Variants in CHRDL2 observed in about 807,000 individuals in gnomAD.
The protein encoded by CHRDL2 is chordin like 2.
In CHRDL2, 41 loss-of-function variants were observed where a neutral mutation model predicts 54.3. That is an observed-to-expected ratio of 0.76 (90% CI 0.59 to 0.98). The LOEUF is 0.98. Ranked by LOEUF, CHRDL2 falls within the 50% of genes least tolerant of loss-of-function variation. The probability of loss-of-function intolerance (pLI) is 0.00; values close to 1 mark genes in which losing one functional copy is unlikely to be tolerated. For synonymous variants in CHRDL2, 220 were observed against 224.3 expected (o/e 0.98, Z 0.17); for missense variants, 518 against 562.4 (o/e 0.92, Z 0.80).
intron 8 of CHRDL2, 98 bp from the exon 9 acceptor site, chr11:74,703,065 A>C: frequency 8.1e-7 from 1 of 1,237,080 alleles, no homozygotes. Flanking sequence ...TGGAATCCGG[A>C]ACATTACTGA....
At chr11:74,715,569 C>G (rs1473513664) in intron 2 of CHRDL2, among the ~76,000 whole-genome samples, 2 of 150,506 alleles carry the variant, frequency 1.3e-5, no homozygotes, top group African/African-American at 4.9e-5. Context: ...CGACATGGCA[C>G]TCCAGCCTGG....
chr11:74,718,888 G>T, intron 1 of CHRDL2, 56 bp from the exon 2 acceptor site: 1 of 1,066,448 alleles, frequency 9.4e-7, no homozygotes, highest in Non-Finnish European at 1.4e-6. Flanking sequence ...CAAAGACCCT[G>T]TCTCATTTCT....
At chr11:74,707,389 A>C (rs2034044136) in intron 5 of CHRDL2, among the ~76,000 whole-genome samples, 1 of 152,320 alleles carries the variant, frequency 6.6e-6, no homozygotes, top group Admixed American at 6.5e-5. Context: ...CACCTCCTCC[A>C]GGAGGCTTTC....
At chr11:74,719,389 C>CAG (rs200688954) in intron 1 of CHRDL2, 71 of 138,004 alleles carry the variant, frequency 5.1e-4, no homozygotes, top group African/African-American at 1.7e-3. Flanking sequence ...TGTACACACA[C>CAG]ACACACACAC....
At chr11:74,721,232 C>T (rs1305245250) in intron 1 of CHRDL2, among the ~76,000 whole-genome samples, 3 of 144,190 alleles carry the variant, frequency 2.1e-5, no homozygotes, top group Non-Finnish European at 4.8e-5. Context: ...CTTCCTCAGT[C>T]CCCTCCTCCC....
intron 9 of CHRDL2, among the ~76,000 whole-genome samples, chr11:74,700,138 T>C (rs1802113598): frequency 1.3e-5 from 2 of 152,208 alleles, no homozygotes; most frequent in African/African-American, 4.8e-5. Flanking sequence ...TGACTTTGAG[T>C]AAGTCATTTG....
rs951354025 is a variant in CHRDL2, at chr11:74,719,116, G to A, written c.83-284C>T. ...TTAGGGAATCAAGCAGTGAAATGCT[G>A]TACAGATTTATATCATGGTATCAGC... On this transcript the variant is annotated intron_variant, in intron 1 of 10. Transcript: ENST00000376332. 2.5e-5 allele frequency: 9 copies of A among 367,224 alleles called. No individual in the cohort carries two copies. In the East Asian group the frequency reaches 4.9e-4, roughly 20 times the overall value. 22.7% of individuals were successfully genotyped at this position (367,224 alleles called of 1,614,324 possible).
Position 74,703,346 on chromosome 11 carries a change from T to C in CHRDL2, c.905A>G (p.His302Arg). 6.2e-7 allele frequency: 1 copy of C among 1,611,224 alleles called. No homozygotes were observed. The highest frequency in any genetic ancestry group is 2.2e-5 in the East Asian group (1 of 44,830). The change falls in exon 8 of 11, where the codon CAC becomes CGC. Residue 302 changes from histidine (H) to arginine (R), a missense_variant. His to Arg is a conservative substitution (Grantham distance 29). Coordinates refer to ENST00000376332, the MANE Select transcript of CHRDL2 (RefSeq NM_001278473.3). ...VTCPTEYPCRHPEKVAGKCCK... is the reference protein window; with the variant it reads ...VTCPTEYPCRRPEKVAGKCCK... ...GCACTTCCCAGCCACTTTCTCGGGG[T>C]GACGGCAGGGGTACTCGGTGGGACA... is the stretch of plus-strand genomic sequence containing the variant.
At chr11:74,711,633 T>C (rs1272107235) in intron 3 of CHRDL2, among the ~76,000 whole-genome samples, 1 of 151,978 alleles carries the variant, frequency 6.6e-6, no homozygotes, top group Non-Finnish European at 1.5e-5. Flanking sequence ...ATGCTAGGCA[T>C]TGGGAATGGA....
Position 74,710,908 on chromosome 11 carries a change from T to G in CHRDL2, c.373A>C (p.Ser125Arg). 1 of 1,614,132 alleles carries G rather than the reference T, an allele frequency of 6.2e-7. No homozygotes were observed. Among genetic ancestry groups the G allele is most frequent in the Non-Finnish European group, 8.5e-7 (1 of 1,180,006 alleles). Residue 125 changes from serine (S) to arginine (R), a missense_variant, in exon 4 of 11, where the codon AGT (serine) becomes CGT (arginine). Coordinates refer to ENST00000376332, the MANE Select transcript of CHRDL2 (RefSeq NM_001278473.3). ...GTMYQHGEIF[S>R]AHELFPSRLP... is the part of the protein sequence containing the mutation. ...CGGGAGGGGAACAGCTCATGGGCAC[T>G]GAAGATCTCTCCGTGTTGGTACATG...
intron 2 of CHRDL2, 60 bp from the exon 3 acceptor site, chr11:74,713,539 G>T: frequency 7.3e-7 from 1 of 1,375,158 alleles, no homozygotes; most frequent in Non-Finnish European, 1.0e-6. Flanking sequence ...ACCTGTACCT[G>T]TCCTTTCCCA....
chr11:74,715,129 C>T (rs373971910), intron 2 of CHRDL2, among the ~76,000 whole-genome samples: 2 of 152,170 alleles, frequency 1.3e-5, no homozygotes, highest in African/African-American at 2.4e-5. Context: ...CACCAGGGCC[C>T]GTGTACTTTC....
intron 5 of CHRDL2, among the ~76,000 whole-genome samples, chr11:74,707,018 C>G (rs770054044): frequency 2.0e-5 from 3 of 152,168 alleles, no homozygotes; most frequent in Non-Finnish European, 4.4e-5. Context: ...CACTCCAGCC[C>G]CTTCGCCCCT....
At chr11:74,710,194 T>G (rs2034142261) in intron 4 of CHRDL2, among the ~76,000 whole-genome samples, 2 of 133,678 alleles carry the variant, frequency 1.5e-5, no homozygotes, top group African/African-American at 5.8e-5. Context: ...CCGGCCTGGG[T>G]GAAAGAGCAA....
At position 74,730,988 on chromosome 11, in the gene CHRDL2, C is replaced by CT; in HGVS notation, c.-101_-100insA. On this transcript the variant is annotated 5_prime_UTR_variant, in exon 1 of 11. Coordinates refer to ENST00000376332, the MANE Select transcript of CHRDL2 (RefSeq NM_001278473.3). ...AGGGGCCACAGATCAACCCACAGACCCCAGGAGGTCTGCTGCTAGAGCGGG... is the reference window on the plus strand; with the variant it reads ...AGGGGCCACAGATCAACCCACAGACCTCCAGGAGGTCTGCTGCTAGAGCGGG... 1.1e-6 allele frequency: 1 copy of CT among 940,884 alleles called. No homozygotes were observed. Among genetic ancestry groups the CT allele is most frequent in the Non-Finnish European group, 1.6e-6 (1 of 624,358 alleles). 58.3% of individuals were successfully genotyped at this position (940,884 alleles called of 1,614,324 possible).
rs193038121 is a variant in CHRDL2, at chr11:74,726,339, C to T, written c.82+4468G>A. 9.9e-5 allele frequency among the ~76,000 whole-genome samples: 15 copies of T among 152,264 alleles called. No individual in the cohort carries two copies. In the East Asian group the frequency reaches 1.9e-3, roughly 20 times the overall value. On this transcript the variant is annotated intron_variant, in intron 1 of 10. Transcript: ENST00000376332. The stretch of plus-strand genomic sequence containing the variant: ...AGGACTTGACTAAGCTTGATTCACT[C>T]CAGCACAATCTTCAATGCCAGTCGT...
At chr11:74,714,444 C>A (rs905862878) in intron 2 of CHRDL2, among the ~76,000 whole-genome samples, 1 of 152,212 alleles carries the variant, frequency 6.6e-6, no homozygotes, top group Non-Finnish European at 1.5e-5. Flanking sequence ...CGCTTCTCCC[C>A]CTGGTTCCTT....
chr11:74,730,704 T>C (rs2135283370), intron 1 of CHRDL2, 103 bp downstream of exon 1: 2 of 1,112,472 alleles, frequency 1.8e-6, no homozygotes, highest in East Asian at 2.6e-5. Context: ...AGGTGCTGCC[T>C]GGACGGCTGT....
intron 2 of CHRDL2, among the ~76,000 whole-genome samples, chr11:74,715,896 T>C (rs970578604): frequency 6.6e-6 from 1 of 151,494 alleles, no homozygotes; most frequent in African/African-American, 2.4e-5. Flanking sequence ...GAGAATCACT[T>C]GAACTTGGGA....
Sources: gnomAD v4.1 joint callset for allele counts (sites outside exome capture counted in the v4.1 genomes callset) on GRCh38, gnomAD v4.1.1 for gene constraint, MANE v1.5 for transcripts, NCBI Gene and HGNC (gene_info 2026-07-23, HGNC 2026-07-21) for gene names.